THNSL1: variants seen among roughly 807,000 people sequenced by gnomAD.
The protein encoded by THNSL1 is threonine synthase like 1.
A neutral mutation model predicts 50.4 loss-of-function variants in THNSL1; 48 were observed. The observed-to-expected ratio is 0.95, with a 90% CI of 0.76 to 1.21. The LOEUF (loss-of-function observed/expected upper bound fraction) is 1.21. Ranked by LOEUF, THNSL1 falls within the 50% of genes most tolerant of loss-of-function variation. THNSL1 has a pLI of 0.00. For synonymous variants in THNSL1, 309 were observed against 306.1 expected, an observed-to-expected ratio of 1.01 and a Z score of -0.10; for missense variants, 896 against 871.7, an observed-to-expected ratio of 1.03 and a Z score of -0.35.
At chr10:24,990,339 A>T in the THNSL1 span, 1 of 1,291,914 alleles carries the variant, frequency 7.7e-7, no homozygotes, top group Non-Finnish European at 1.0e-6. Context: ...TTTAACTGTA[A>T]CCCAAAGAGA....
the THNSL1 span, among the ~76,000 whole-genome samples, chr10:25,006,619 A>C: frequency 2.6e-5 from 4 of 152,110 alleles, no homozygotes; most frequent in Admixed American, 2.6e-4. Flanking sequence ...ATAATTTCCC[A>C]TTTGCTTTGA....
the THNSL1 span, among the ~76,000 whole-genome samples, chr10:24,974,656 A>G: frequency 0.029 from 4,462 of 152,308 alleles, 192 homozygotes; most frequent in East Asian, 0.13. Context: ...TATAATGGTC[A>G]GTTGTCATCA....
chr10:24,963,567 C>T, the THNSL1 span, among the ~76,000 whole-genome samples: 1 of 152,174 alleles, frequency 6.6e-6, no homozygotes, highest in Non-Finnish European at 1.5e-5. Flanking sequence ...ACGTACAGTT[C>T]TGATGATTTT....
At chr10:24,977,717 T>C in the THNSL1 span, among the ~76,000 whole-genome samples, 2 of 152,340 alleles carry the variant, frequency 1.3e-5, no homozygotes, top group African/African-American at 2.4e-5. Context: ...GAGAGGAATA[T>C]ACATATGTGT....
Position 25,025,095 on chromosome 10 carries a change from C to T in THNSL1, c.1872C>T (p.Cys624=), listed in dbSNP as rs746434884. Residue 624 remains cysteine, a synonymous_variant, in exon 3 of 3, where the codon TGC becomes TGT. Coordinates refer to ENST00000376356, the MANE Select transcript of THNSL1 (RefSeq NM_024838.5). ...FVADWCSEGE[C]LAAINSTYNT... Reference sequence around the variant, plus strand: ...CTGACTGGTGCTCTGAGGGAGAGTGCCTAGCAGCTATTAACTCCACCTATA... The same window carrying T: ...CTGACTGGTGCTCTGAGGGAGAGTGTCTAGCAGCTATTAACTCCACCTATA... 1.2e-5 allele frequency: 20 copies of T among 1,614,164 alleles called. No homozygotes were observed. In the East Asian group the frequency reaches 4.2e-4, roughly 34 times the overall value.
At chr10:25,005,115 T>G in the THNSL1 span, among the ~76,000 whole-genome samples, 20 of 152,186 alleles carry the variant, frequency 1.3e-4, 1 homozygote, top group African/African-American at 4.8e-4. Flanking sequence ...TCTATTGATC[T>G]CTGTGTCTGT....
the THNSL1 span, among the ~76,000 whole-genome samples, chr10:24,980,240 C>T: frequency 6.6e-6 from 1 of 152,146 alleles, no homozygotes; most frequent in East Asian, 1.9e-4. Flanking sequence ...TCTAAGTTCA[C>T]CCCAGCCCCA....
the THNSL1 span, among the ~76,000 whole-genome samples, chr10:24,964,089 A>G: frequency 2.0e-5 from 3 of 152,246 alleles, no homozygotes. Flanking sequence ...GTTTAACAAC[A>G]TTCCTGGCTT....
the THNSL1 span, among the ~76,000 whole-genome samples, chr10:24,968,528 C>T: frequency 2.0e-5 from 3 of 152,112 alleles, no homozygotes; most frequent in African/African-American, 7.2e-5. Flanking sequence ...CCAGTGGTGC[C>T]GTACTTAGAC....
rs986178857 is a variant in THNSL1 at position 25,023,617 on chromosome 10, A to G, written c.394A>G (p.Thr132Ala). ...FSASGSVISL[T>A]GSNPMHDASM... ...TGCATCTGGAAGTGTGATTTCCCTT[A>G]CTGGGTCCAATCCAATGCATGATGC... Residue 132 changes from threonine (T) to alanine (A), a missense_variant, in exon 3 of 3, where the codon ACT becomes GCT. Transcript: ENST00000376356. 2 of 1,614,180 alleles carry G rather than the reference A, an allele frequency of 1.2e-6. No homozygotes were observed. Among genetic ancestry groups the G allele is most frequent in the African/African-American group, 2.7e-5 (2 of 75,054 alleles).
At chr10:25,006,343 G>A in the THNSL1 span, among the ~76,000 whole-genome samples, 1 of 152,040 alleles carries the variant, frequency 6.6e-6, no homozygotes, top group South Asian at 2.1e-4. Context: ...TCCTCTCTCC[G>A]TGAATCCTGG....
chr10:25,011,451 GATACAA>G, the THNSL1 span, among the ~76,000 whole-genome samples: 1 of 152,082 alleles, frequency 6.6e-6, no homozygotes, highest in Non-Finnish European at 1.5e-5. Flanking sequence ...AGTTTAATTA[GATACAA>G]ACCTGAGAAA....
chr10:24,995,626 T>G, the THNSL1 span: 1 of 1,589,644 alleles, frequency 6.3e-7, no homozygotes, highest in Non-Finnish European at 8.6e-7. Flanking sequence ...AGCCCTCTTA[T>G]TAATATACCA....
At position 25,024,039 on chromosome 10, in the gene THNSL1, T is replaced by G; in HGVS notation, c.816T>G (p.Phe272Leu). ...GCCTCTTTGTTCCTGCAAAGGAGTT[T>G]CCAAAATTAAGCTGCGGGGAGTGGA... Reference protein sequence around the residue: ...DGGLFVPAKEFPKLSCGEWKS... With the variant: ...DGGLFVPAKELPKLSCGEWKS... The change falls in exon 3 of 3, where the codon TTT becomes TTG. Residue 272 changes from phenylalanine (F) to leucine (L), a missense_variant. Physicochemically the swap from Phe to Leu is conservative, Grantham distance 22. Transcript: ENST00000376356. The G allele has an allele frequency of 4.3e-6, 7 of 1,614,170 alleles. No individual in the cohort carries two copies. Among genetic ancestry groups the G allele is most frequent in the Non-Finnish European group, 5.9e-6 (7 of 1,180,022 alleles).
the THNSL1 span, among the ~76,000 whole-genome samples, chr10:24,957,859 A>C: frequency 5.3e-5 from 8 of 152,140 alleles, no homozygotes; most frequent in Non-Finnish European, 7.4e-5. Context: ...TTTTCCCATC[A>C]CCGTGATTCT....
At chr10:25,007,504 G>C in the THNSL1 span, among the ~76,000 whole-genome samples, 4,023 of 152,158 alleles carry the variant, frequency 0.026, 157 homozygotes, top group South Asian at 0.12. Flanking sequence ...GCGCCATCTC[G>C]GCTCACTGCA....
In THNSL1 at chr10:25,025,587, G is replaced by A; in HGVS notation, c.*132G>A. On this transcript the variant is annotated 3_prime_UTR_variant, in exon 3 of 3. Transcript: ENST00000376356. ...TATCTGTTTGGAATTTCAAAAGTCT[G>A]ATCTCTAGGGCTGACATGAGAACTC... 1 of 868,440 alleles carries A rather than the reference G, an allele frequency of 1.2e-6. No individual in the cohort carries two copies. Among genetic ancestry groups the A allele is most frequent in the Non-Finnish European group, 1.8e-6 (1 of 571,076 alleles). 53.8% of individuals were successfully genotyped at this position (868,440 alleles called of 1,614,324 possible).
At chr10:24,972,961 A>G in the THNSL1 span, among the ~76,000 whole-genome samples, 1 of 152,180 alleles carries the variant, frequency 6.6e-6, no homozygotes, top group Non-Finnish European at 1.5e-5. Flanking sequence ...TTCTGTACAT[A>G]TCTAAATTAA....
the THNSL1 span, among the ~76,000 whole-genome samples, chr10:24,977,385 A>T: frequency 4.4e-3 from 672 of 152,356 alleles, 4 homozygotes; most frequent in Non-Finnish European, 6.1e-3. Flanking sequence ...TGAGTAAATT[A>T]TACATTTTAG....
Sources: gnomAD v4.1 joint callset for allele counts (sites outside exome capture counted in the v4.1 genomes callset) on GRCh38, gnomAD v4.1.1 for gene constraint, MANE v1.5 for transcripts, NCBI Gene and HGNC (gene_info 2026-07-23, HGNC 2026-07-21) for gene names.